THUMPD2: variants seen among roughly 807,000 people sequenced by gnomAD.
The protein encoded by THUMPD2 is THUMP domain 2 tRNA and snRNA guanosine methyltransferase, also known as U6 snRNA (guanine-N(2))-methyltransferase THUMPD2.
THUMPD2 carries 56 observed loss-of-function variants against 49.4 expected under a neutral mutation model. That is an observed-to-expected ratio of 1.13 (90% CI 0.91 to 1.41). The LOEUF is 1.41. Among genes scored for constraint, THUMPD2 ranks in the 40% most tolerant of loss-of-function variants. The pLI is 0.00. For missense variants in THUMPD2, 709 were observed against 594.5 expected (o/e 1.19, Z -2.00); for synonymous variants, 237 against 205.2 (o/e 1.15, Z -1.32).
At chr2:39,752,848 G>T (rs909536744) in intron 8 of THUMPD2, among the ~76,000 whole-genome samples, 1 of 152,150 alleles carries the variant, frequency 6.6e-6, no homozygotes, top group African/African-American at 2.4e-5. Flanking sequence ...CAGTGGAGAA[G>T]AGTGCACTTA....
intron 8 of THUMPD2, among the ~76,000 whole-genome samples, chr2:39,751,153 T>C (rs1255757793): frequency 6.6e-6 from 1 of 152,264 alleles, no homozygotes; most frequent in African/African-American, 2.4e-5. Context: ...GCTTCATGAA[T>C]CTTGCAGAAT....
At chr2:39,757,269 G>C in intron 6 of THUMPD2, 1 of 677,264 alleles carries the variant, frequency 1.5e-6, no homozygotes, top group Admixed American at 2.4e-5. Flanking sequence ...GCCCAGTCGT[G>C]CTCGAGATAG....
intron 8 of THUMPD2, among the ~76,000 whole-genome samples, chr2:39,744,841 T>C (rs575453778): frequency 5.7e-4 from 87 of 152,300 alleles, no homozygotes; most frequent in African/African-American, 1.7e-3. Context: ...ACAACTTTCA[T>C]TTCCCATTTT....
intron 6 of THUMPD2, among the ~76,000 whole-genome samples, chr2:39,759,113 G>A (rs1165157153): frequency 1.3e-5 from 2 of 152,086 alleles, no homozygotes; most frequent in Non-Finnish European, 2.9e-5. Context: ...AAGGATAGGA[G>A]ACTTGGAGGA....
chr2:39,755,382 T>G lies in THUMPD2; in HGVS notation c.991A>C (p.Ser331Arg). The stretch of plus-strand genomic sequence containing the variant: ...CAAGTACCTAGTAACTGTGAGTCGC[T>G]GACATCAGCACCTACATAATACACA... ...PDVYYVGADV[S>R]DSQLLGTWDN... Residue 331 changes from serine (S) to arginine (R), a missense_variant, in exon 8 of 10, where the codon AGC becomes CGC. Transcript: ENST00000505747. The G allele has an allele frequency of 6.4e-7, 1 of 1,561,192 alleles. No individual in the cohort carries two copies. The highest frequency in any genetic ancestry group is 1.2e-5 in the South Asian group (1 of 82,200).
chr2:39,758,180 T>A, intron 6 of THUMPD2, among the ~76,000 whole-genome samples: 1 of 152,326 alleles, frequency 6.6e-6, no homozygotes, highest in East Asian at 1.9e-4. Flanking sequence ...GGTGATTATA[T>A]AAATTTATAT....
upstream of THUMPD2, chr2:39,779,268 G>A: frequency 6.8e-7 from 1 of 1,460,156 alleles, no homozygotes; most frequent in Non-Finnish European, 9.0e-7. Flanking sequence ...TCGCGCCTTC[G>A]GGTCACGTGG....
chr2:39,777,958 C>G (rs1370813639), intron 1 of THUMPD2, among the ~76,000 whole-genome samples: 1 of 152,134 alleles, frequency 6.6e-6, no homozygotes, highest in Non-Finnish European at 1.5e-5. Flanking sequence ...AACAAGCCAG[C>G]GCACCCCTAT....
rs1679536745 is a variant in THUMPD2 at position 39,779,198 on chromosome 2, A to G, written c.42T>C (p.Ala14=). 7 of 1,517,674 alleles carry G rather than the reference A, an allele frequency of 4.6e-6. No homozygotes were observed. The highest frequency in any genetic ancestry group is 2.0e-5 in the Admixed American group (1 of 48,930). The allele number at this position is 1,517,674 out of a possible 1,614,324, so 94.0% of individuals were successfully genotyped here. A position where few individuals can be genotyped will look rare whatever the true frequency, so the allele number is the denominator to read the frequency against. Residue 14 remains alanine, a synonymous_variant, in exon 1 of 10, where the codon GCT becomes GCC. Coordinates refer to ENST00000505747, the MANE Select transcript of THUMPD2 (RefSeq NM_025264.5). ...ARGEPGSGPE[A]GARFFCTAGR... ...CCGCAGTGCAGAAGAATCGGGCGCC[A>G]GCCTCAGGCCCGGACCCTGGCTCTC...
At position 39,763,228 on chromosome 2, in the gene THUMPD2, C is replaced by A. The variant is rs115340540; in HGVS notation, c.804-1810G>T. 1.8e-3 allele frequency among the ~76,000 whole-genome samples: 277 copies of A among 151,774 alleles called. 2 individuals are homozygous for A. The highest frequency in any genetic ancestry group is 6.3e-3 in the African/African-American group (262 of 41,424). On this transcript the variant is annotated intron_variant, in intron 5 of 9. Transcript: ENST00000505747. Reference sequence around the variant, plus strand: ...AAGACAAAGACGTCCTAATCTATATCTCTAGCCTAGACTTGTTACCTGAAC... The same window carrying A: ...AAGACAAAGACGTCCTAATCTATATATCTAGCCTAGACTTGTTACCTGAAC...
chr2:39,752,907 C>T (rs1377274632), intron 8 of THUMPD2, among the ~76,000 whole-genome samples: 4 of 152,140 alleles, frequency 2.6e-5, no homozygotes, highest in Admixed American at 2.0e-4. Flanking sequence ...ATTCTCCTCC[C>T]TCTGCCTTCC....
intron 5 of THUMPD2, among the ~76,000 whole-genome samples, chr2:39,765,394 G>A (rs1463002836): frequency 1.3e-5 from 2 of 151,952 alleles, no homozygotes; most frequent in Non-Finnish European, 2.9e-5. Flanking sequence ...TTCTGACCTC[G>A]TGATCTGCCT....
intron 1 of THUMPD2, among the ~76,000 whole-genome samples, chr2:39,776,393 TA>T (rs938735826): frequency 7.8e-5 from 10 of 128,280 alleles, no homozygotes; most frequent in African/African-American, 2.5e-4. Flanking sequence ...CTCAGTATAC[TA>T]TTTTTTTTTT....
chr2:39,738,613 A>T (rs1273621998), intron 9 of THUMPD2, among the ~76,000 whole-genome samples: 2 of 118,774 alleles, frequency 1.7e-5, no homozygotes, highest in African/African-American at 4.2e-5. Context: ...ATATATATAT[A>T]ATATATATTA....
intron 3 of THUMPD2, 183 bp from the exon 4 acceptor site, chr2:39,768,684 T>C (rs898545953): frequency 3.5e-5 from 24 of 678,012 alleles, no homozygotes; most frequent in Admixed American, 1.5e-4. Context: ...GGCTGTATTT[T>C]ACCTGCCCTA....
chr2:39,776,405 T>C (rs556206020), intron 1 of THUMPD2, among the ~76,000 whole-genome samples: 2 of 151,698 alleles, frequency 1.3e-5, no homozygotes, highest in African/African-American at 4.8e-5. Context: ...TTTTTTTTTT[T>C]TTTTTTGAGA....
chr2:39,761,464 C>T, intron 5 of THUMPD2, 46 bp from the exon 6 acceptor site: 1 of 1,543,194 alleles, frequency 6.5e-7, no homozygotes, highest in Non-Finnish European at 8.9e-7. Context: ...CATTGAACAA[C>T]AAGATATAAA....
intron 1 of THUMPD2, among the ~76,000 whole-genome samples, chr2:39,776,105 T>C (rs576823144): frequency 2.0e-5 from 3 of 152,318 alleles, no homozygotes; most frequent in Admixed American, 2.0e-4. Context: ...TTACAATAAA[T>C]AGCAGTACTT....
At chr2:39,740,301 GC>G (rs1673728915) in intron 9 of THUMPD2, among the ~76,000 whole-genome samples, 1 of 152,142 alleles carries the variant, frequency 6.6e-6, no homozygotes, top group Non-Finnish European at 1.5e-5. Flanking sequence ...ATATAATGTG[GC>G]AACCACTGAA....
Sources: gnomAD v4.1 joint callset for allele counts (sites outside exome capture counted in the v4.1 genomes callset) on GRCh38, gnomAD v4.1.1 for gene constraint, MANE v1.5 for transcripts, NCBI Gene and HGNC (gene_info 2026-07-23, HGNC 2026-07-21) for gene names.